Variants in CACNB4 observed in about 807,000 individuals in gnomAD.
CACNB4 encodes calcium voltage-gated channel auxiliary subunit beta 4.
Under a neutral mutation model 71.2 loss-of-function variants are expected in CACNB4, and 32 were observed. The observed-to-expected ratio is 0.45, with a 90% CI of 0.34 to 0.60. The LOEUF (loss-of-function observed/expected upper bound fraction) is 0.60. Among genes scored for constraint, CACNB4 ranks in the 20% least tolerant of loss-of-function variants. The probability of loss-of-function intolerance (pLI) is 0.01; values close to 1 mark genes in which losing one functional copy is unlikely to be tolerated. For missense variants in CACNB4, 464 were observed against 647.9 expected (o/e 0.72, Z 3.08); for synonymous variants, 231 against 236.9 (o/e 0.97, Z 0.23).
At chr2:152,034,050 A>G (rs369091377) in intron 2 of CACNB4, among the ~76,000 whole-genome samples, 24 of 152,148 alleles carry the variant, frequency 1.6e-4, no homozygotes, top group African/African-American at 5.3e-4. Flanking sequence ...TTCCTTACAC[A>G]GGAAAAAAAA....
At chr2:151,859,154 G>T (rs2099841024) in intron 10 of CACNB4, 2 of 152,200 alleles carry the variant, frequency 1.3e-5, no homozygotes, top group Non-Finnish European at 2.9e-5. Flanking sequence ...TAATTCCAAT[G>T]GTTGTGGGTT....
intron 2 of CACNB4, among the ~76,000 whole-genome samples, chr2:152,054,365 C>CAA (rs34291036): frequency 6.3e-4 from 54 of 85,040 alleles, no homozygotes; most frequent in East Asian, 2.2e-3. Flanking sequence ...AACTCCGTCT[C>CAA]AAAAAAAAAA....
intron 2 of CACNB4, among the ~76,000 whole-genome samples, chr2:152,015,109 T>C (rs772784311): frequency 1.1e-4 from 16 of 152,104 alleles, no homozygotes; most frequent in Non-Finnish European, 2.4e-4. Context: ...ATTCCACCAT[T>C]ACTCCCCTCA....
chr2:151,841,174 C>T (rs190165874), intron 13 of CACNB4, among the ~76,000 whole-genome samples: 31 of 152,314 alleles, frequency 2.0e-4, no homozygotes, highest in Non-Finnish European at 3.8e-4. Flanking sequence ...GAGAGCAGGC[C>T]TAGCAACCTG....
At chr2:151,915,914 G>A (rs1366567966) in intron 2 of CACNB4, among the ~76,000 whole-genome samples, 1 of 151,508 alleles carries the variant, frequency 6.6e-6, no homozygotes, top group Admixed American at 6.6e-5. Context: ...CTGGTGGGTG[G>A]CTTGGGTTCG....
At chr2:151,915,035 C>G (rs528415398) in intron 2 of CACNB4, among the ~76,000 whole-genome samples, 1 of 152,268 alleles carries the variant, frequency 6.6e-6, no homozygotes, top group South Asian at 2.1e-4. Context: ...TGGGGGAAAC[C>G]CACTCATCTG....
At chr2:152,021,654 A>G (rs1683673176) in intron 2 of CACNB4, among the ~76,000 whole-genome samples, 1 of 152,212 alleles carries the variant, frequency 6.6e-6, no homozygotes, top group Non-Finnish European at 1.5e-5. Context: ...CCCTTCTCAT[A>G]CGTATGTAAA....
rs932906879 is a variant in CACNB4 at position 152,069,500 on chromosome 2, C to T, written c.147+28830G>A. 8.8e-5 allele frequency among the ~76,000 whole-genome samples: 13 copies of T among 148,102 alleles called. No individual in the cohort carries two copies. The South Asian group carries it at 1.7e-3, about 19-fold the overall frequency. Reference sequence around the variant, plus strand: ...TCTCATCACAAGCACATAAAGAACACGCCTTTTTTTTTTTTTTTTTTCAGT... The same window carrying T: ...TCTCATCACAAGCACATAAAGAACATGCCTTTTTTTTTTTTTTTTTTCAGT... On this transcript the variant is annotated intron_variant, in intron 2 of 13. Coordinates refer to ENST00000539935, the MANE Select transcript of CACNB4 (RefSeq NM_000726.5).
chr2:152,035,651 C>CTCTCTCTCTCTCTCTCTATATATATA (rs796161186), intron 2 of CACNB4, among the ~76,000 whole-genome samples: 2 of 118,040 alleles, frequency 1.7e-5, no homozygotes, highest in African/African-American at 7.3e-5. Context: ...CTCTCTCTCT[C>CTCTCTCTCTCTCTCTCTATATATATA]TATATATATA....
At chr2:151,944,717 G>A (rs1003848907) in intron 2 of CACNB4, among the ~76,000 whole-genome samples, 5 of 152,122 alleles carry the variant, frequency 3.3e-5, no homozygotes, top group African/African-American at 7.2e-5. Flanking sequence ...GCTTGAACCC[G>A]GCACACGGAG....
intron 2 of CACNB4, among the ~76,000 whole-genome samples, chr2:151,913,113 T>G (rs183270456): frequency 4.0e-4 from 61 of 152,302 alleles, no homozygotes; most frequent in Non-Finnish European, 7.6e-4. Context: ...GGTCTTGACT[T>G]TATCCAATTT....
rs935725834 is a variant in CACNB4, at chr2:152,079,237, C to T, written c.147+19093G>A. 5.3e-5 allele frequency among the ~76,000 whole-genome samples: 8 copies of T among 151,954 alleles called. No individual in the cohort carries two copies. In the East Asian group the frequency reaches 1.2e-3, roughly 22 times the overall value. On this transcript the variant is annotated intron_variant, in intron 2 of 13. Transcript: ENST00000539935. ...CCGAGTAGCTGAGACTACAGGTACC[C>T]GCCACCACGCCCAGCTGATTTTTTG... is the stretch of plus-strand genomic sequence containing the variant.
intron 2 of CACNB4, among the ~76,000 whole-genome samples, chr2:151,901,750 G>A (rs1163667833): frequency 6.6e-6 from 1 of 152,178 alleles, no homozygotes; most frequent in African/African-American, 2.4e-5. Context: ...GCCTCCCTGG[G>A]TAGAGGTTGA....
At chr2:152,036,120 G>C (rs934790257) in intron 2 of CACNB4, among the ~76,000 whole-genome samples, 1 of 152,154 alleles carries the variant, frequency 6.6e-6, no homozygotes, top group African/African-American at 2.4e-5. Context: ...AAAACTCTTA[G>C]AAGTAGAAAA....
chr2:151,901,723 T>C (rs2099853482), intron 2 of CACNB4, among the ~76,000 whole-genome samples: 1 of 152,200 alleles, frequency 6.6e-6, no homozygotes, highest in Non-Finnish European at 1.5e-5. Context: ...AAATTGACAA[T>C]GATGGGCAAG....
intron 9 of CACNB4, chr2:151,866,054 G>C (rs1006387138): frequency 1.3e-5 from 2 of 152,064 alleles, no homozygotes; most frequent in Non-Finnish European, 1.5e-5. Context: ...CAAAGTGCTG[G>C]GATTATAGGC....
intron 2 of CACNB4, among the ~76,000 whole-genome samples, chr2:152,085,554 C>T (rs550737440): frequency 3.9e-5 from 6 of 152,218 alleles, no homozygotes; most frequent in Non-Finnish European, 7.4e-5. Context: ...CCACTCCTAC[C>T]TTCCCATACC....
At position 152,046,995 on chromosome 2, in the gene CACNB4, C is replaced by G. The variant is rs1376503032; in HGVS notation, c.147+51335G>C. ...AGTAGGGATCCCTCTTAGGGGCCTC[C>G]CCAGCTTCCTCTCAGCCTGAAAATA... On this transcript the variant is annotated intron_variant, in intron 2 of 13. Transcript: ENST00000539935. Among the ~76,000 whole-genome samples the G allele has an allele frequency of 5.3e-5, 8 of 152,252 alleles. No homozygotes were observed. In the East Asian group the frequency reaches 1.5e-3, roughly 29 times the overall value.
At chr2:152,003,669 G>A (rs41329045) in intron 2 of CACNB4, among the ~76,000 whole-genome samples, 7,618 of 152,028 alleles carry the variant, frequency 0.05, 303 homozygotes, top group Admixed American at 0.1. Flanking sequence ...ACCTCTCTTC[G>A]TTTTCCAGCC....
Sources: gnomAD v4.1 joint callset for allele counts (sites outside exome capture counted in the v4.1 genomes callset) on GRCh38, gnomAD v4.1.1 for gene constraint, MANE v1.5 for transcripts, NCBI Gene and HGNC (gene_info 2026-07-23, HGNC 2026-07-21) for gene names.